PRELID2: variants seen among roughly 807,000 people sequenced by gnomAD.
PRELID2 encodes PRELI domain-containing protein 2.
Under a neutral mutation model 28.4 loss-of-function variants are expected in PRELID2, and 25 were observed. The ratio of observed to expected loss-of-function variants is 0.88; its 90% CI spans 0.64 to 1.23. The LOEUF is 1.23. Ranked by LOEUF, PRELID2 falls within the 50% of genes most tolerant of loss-of-function variation. The pLI is 0.00. For missense variants in PRELID2, 201 were observed against 214.4 expected (o/e 0.94, Z 0.39); for synonymous variants, 76 against 71.6 (o/e 1.06, Z -0.31).
chr5:145,761,830 A>G (rs1757490320), intron 6 of PRELID2, among the ~76,000 whole-genome samples: 1 of 152,044 alleles, frequency 6.6e-6, no homozygotes, highest in Non-Finnish European at 1.5e-5. Context: ...ACTTCTTTTA[A>G]TGTAGCATTT....
At chr5:145,309,307 T>G in the PRELID2 span, among the ~76,000 whole-genome samples, 4 of 152,016 alleles carry the variant, frequency 2.6e-5, no homozygotes, top group Non-Finnish European at 4.4e-5. Flanking sequence ...TAAGACGAGA[T>G]CTGGGCTGGA....
At chr5:145,570,943 A>C (rs1177018109) in intron 1 of PRELID2, among the ~76,000 whole-genome samples, 1 of 152,192 alleles carries the variant, frequency 6.6e-6, no homozygotes, top group Non-Finnish European at 1.5e-5. Flanking sequence ...TAGCTTCTAC[A>C]GTTCTCTCTC....
chr5:145,590,275 T>C (rs1008660935), intron 1 of PRELID2, among the ~76,000 whole-genome samples: 7 of 152,212 alleles, frequency 4.6e-5, no homozygotes, highest in Non-Finnish European at 7.3e-5. Flanking sequence ...AATCCACTTC[T>C]GTGAGAGGTC....
chr5:145,362,020 T>C, the PRELID2 span, among the ~76,000 whole-genome samples: 2 of 152,146 alleles, frequency 1.3e-5, no homozygotes, highest in African/African-American at 4.8e-5. Context: ...CAACAAGTAC[T>C]TGGATGATGA....
intron 5 of PRELID2, among the ~76,000 whole-genome samples, chr5:145,768,945 A>G (rs1561586802): frequency 6.6e-6 from 1 of 152,178 alleles, no homozygotes; most frequent in East Asian, 1.9e-4. Flanking sequence ...AGAAAAAAAA[A>G]CACCTAACAG....
chr5:145,344,272 T>A, the PRELID2 span, among the ~76,000 whole-genome samples: 2 of 151,944 alleles, frequency 1.3e-5, no homozygotes, highest in Non-Finnish European at 2.9e-5. Flanking sequence ...AATAGCAAAC[T>A]GAATCCAACA....
chr5:145,734,030 G>A (rs559337064), intron 1 of PRELID2, among the ~76,000 whole-genome samples: 22 of 152,164 alleles, frequency 1.4e-4, no homozygotes, highest in Non-Finnish European at 2.6e-4. Flanking sequence ...AGGAATGCAG[G>A]TGGCCTCTTG....
At position 145,477,642 on chromosome 5, in the gene PRELID2, A is replaced by C. The variant is rs1052676128; in HGVS notation, n.71-4327T>G. Among the ~76,000 whole-genome samples the C allele has an allele frequency of 5.4e-4, 82 of 152,220 alleles. 1 individual carries two copies. Among genetic ancestry groups the C allele is most frequent in the Non-Finnish European group, 1.2e-3 (81 of 68,036 alleles). The stretch of plus-strand genomic sequence containing the variant: ...ATCACAGTTCCCAAAGAAAACTGAA[A>C]GTGCTATCACCAGAAGGTAAAATCT... On this transcript the variant is annotated intron_variant and non_coding_transcript_variant, in intron 1 of 2. Transcript: ENST00000510259.
At chr5:145,782,290 A>G (rs558850910) in intron 5 of PRELID2, among the ~76,000 whole-genome samples, 1 of 152,306 alleles carries the variant, frequency 6.6e-6, no homozygotes, top group Admixed American at 6.5e-5. Context: ...GGTTGAGAGG[A>G]TGGGCTCTGA....
intron 1 of PRELID2, among the ~76,000 whole-genome samples, chr5:145,500,965 C>T (rs567095178): frequency 6.6e-6 from 1 of 152,242 alleles, no homozygotes; most frequent in South Asian, 2.1e-4. Flanking sequence ...TTTATGACTG[C>T]AAGCAGAGGG....
At chr5:145,822,987 C>A in intron 2 of PRELID2, 90 bp downstream of exon 2, 5 of 660,894 alleles carry the variant, frequency 7.6e-6, no homozygotes, top group Non-Finnish European at 1.3e-5. Flanking sequence ...TAAAAAAAAC[C>A]TAATAGGCCA....
chr5:145,369,269 C>T, the PRELID2 span, among the ~76,000 whole-genome samples: 1 of 151,898 alleles, frequency 6.6e-6, no homozygotes, highest in Non-Finnish European at 1.5e-5. Context: ...AAGTTCCCTT[C>T]CCTAGCCCCT....
chr5:145,329,454 C>T, the PRELID2 span, among the ~76,000 whole-genome samples: 4 of 151,978 alleles, frequency 2.6e-5, no homozygotes, highest in Admixed American at 2.6e-4. Flanking sequence ...CTCTTATTTC[C>T]TTGAGCACTG....
At chr5:145,319,127 G>A in the PRELID2 span, among the ~76,000 whole-genome samples, 1 of 152,110 alleles carries the variant, frequency 6.6e-6, no homozygotes, top group African/African-American at 2.4e-5. Context: ...GGGCGTTGTG[G>A]GTCAGAAGGC....
In PRELID2 at chr5:145,665,588, C is replaced by T. The variant is rs1754572528; in HGVS notation, n.70+99343G>A. Reference sequence around the variant, plus strand: ...CTCACATTACTCTTATGCTTATGTTCCCTAGCATGGTATATAATGCCTAGC... The same window carrying T: ...CTCACATTACTCTTATGCTTATGTTTCCTAGCATGGTATATAATGCCTAGC... On this transcript the variant is annotated intron_variant and non_coding_transcript_variant, in intron 1 of 2. Coordinates refer to the PRELID2 transcript ENST00000510259. Among the ~76,000 whole-genome samples, 3 of 152,070 alleles carry T rather than the reference C, an allele frequency of 2.0e-5. No homozygotes were observed. The South Asian group carries it at 6.2e-4, about 31-fold the overall frequency.
chr5:145,293,985 C>T, the PRELID2 span, among the ~76,000 whole-genome samples: 2 of 152,146 alleles, frequency 1.3e-5, no homozygotes, highest in Non-Finnish European at 2.9e-5. Flanking sequence ...ATTCTAGCTC[C>T]AGAGCTTCAA....
intron 1 of PRELID2, chr5:145,728,322 ATCTC>A: frequency 3.3e-6 from 1 of 304,814 alleles, no homozygotes; most frequent in Non-Finnish European, 6.4e-6. Flanking sequence ...CTGTCTATCT[ATCTC>A]TATTTATCTC....
chr5:145,734,150 C>T (rs571625984), intron 1 of PRELID2, among the ~76,000 whole-genome samples: 1 of 152,216 alleles, frequency 6.6e-6, no homozygotes, highest in African/African-American at 2.4e-5. Context: ...GAGTCTCACT[C>T]TGTCACCCAG....
intron 1 of PRELID2, among the ~76,000 whole-genome samples, chr5:145,742,902 G>T (rs1278553666): frequency 6.6e-6 from 1 of 151,894 alleles, no homozygotes; most frequent in Non-Finnish European, 1.5e-5. Flanking sequence ...AATAAAATGG[G>T]TTATCACTAA....
Sources: gnomAD v4.1 joint callset for allele counts (sites outside exome capture counted in the v4.1 genomes callset) on GRCh38, gnomAD v4.1.1 for gene constraint, MANE v1.5 for transcripts, NCBI Gene and HGNC (gene_info 2026-07-23, HGNC 2026-07-21) for gene names.